Variants in PPP2R3A observed in about 807,000 individuals in gnomAD.
PPP2R3A encodes protein phosphatase 2 regulatory subunit B''alpha.
A neutral mutation model predicts 106.9 loss-of-function variants in PPP2R3A; 80 were observed. The ratio of observed to expected loss-of-function variants is 0.75; its 90% CI spans 0.62 to 0.90. The LOEUF (loss-of-function observed/expected upper bound fraction) is 0.90. PPP2R3A is among the 40% of genes least tolerant of loss of function. PPP2R3A has a pLI of 0.00. For missense variants in PPP2R3A, 1,386 were observed against 1,350.4 expected, an observed-to-expected ratio of 1.03 and a Z score of -0.41; for synonymous variants, 483 against 468.3, an observed-to-expected ratio of 1.03 and a Z score of -0.41.
intron 1 of PPP2R3A, among the ~76,000 whole-genome samples, chr3:135,969,554 A>G (rs1937182233): frequency 1.3e-5 from 2 of 152,240 alleles, no homozygotes; most frequent in South Asian, 2.1e-4. Context: ...GAGAGGTCAC[A>G]TAAGCATTTG....
chr3:136,111,807 G>A (rs1485189232), intron 13 of PPP2R3A, among the ~76,000 whole-genome samples: 4 of 152,086 alleles, frequency 2.6e-5, no homozygotes, highest in Admixed American at 2.6e-4. Flanking sequence ...TGTGAGGATA[G>A]CATCATTCTG....
In PPP2R3A at chr3:136,095,498, A is replaced by G. The variant is rs145495303; in HGVS notation, c.2927+4831A>G. Reference sequence around the variant, plus strand: ...GTTGATGAAACAGAAGCTCTAAGAGACTGTGCAGCTAGTAAGTGTCCTAGC... The same window carrying G: ...GTTGATGAAACAGAAGCTCTAAGAGGCTGTGCAGCTAGTAAGTGTCCTAGC... On this transcript the variant is annotated intron_variant, in intron 10 of 13. Coordinates refer to ENST00000264977, the MANE Select transcript of PPP2R3A (RefSeq NM_002718.5). Among the ~76,000 whole-genome samples the G allele has an allele frequency of 1.1e-4, 16 of 152,274 alleles. No individual in the cohort carries two copies. The East Asian group carries it at 3.1e-3, about 29-fold the overall frequency.
chr3:136,126,344 A>G (rs1284904133), intron 13 of PPP2R3A, among the ~76,000 whole-genome samples: 1 of 152,242 alleles, frequency 6.6e-6, no homozygotes, highest in Non-Finnish European at 1.5e-5. Flanking sequence ...GGCAGGTCCC[A>G]TGCCCATGGA....
intron 13 of PPP2R3A, among the ~76,000 whole-genome samples, chr3:136,120,622 TTATTA>T: frequency 6.6e-6 from 1 of 151,728 alleles, no homozygotes; most frequent in African/African-American, 2.4e-5. Context: ...ATAGAAGAAA[TTATTA>T]ACAGGGTAAA....
At chr3:136,016,230 G>A (rs1272434290) in intron 2 of PPP2R3A, among the ~76,000 whole-genome samples, 1 of 152,078 alleles carries the variant, frequency 6.6e-6, no homozygotes, top group Admixed American at 6.6e-5. Flanking sequence ...TTGTTTTGTG[G>A]CCTATCATAT....
chr3:136,108,640 C>T (rs995116000), intron 13 of PPP2R3A, among the ~76,000 whole-genome samples: 7 of 151,608 alleles, frequency 4.6e-5, no homozygotes, highest in Admixed American at 2.6e-4. Context: ...TAGTGATGGA[C>T]CCCAGATTTG....
intron 13 of PPP2R3A, among the ~76,000 whole-genome samples, chr3:136,124,280 AG>A (rs1166791104): frequency 6.6e-6 from 1 of 152,190 alleles, no homozygotes; most frequent in Non-Finnish European, 1.5e-5. Flanking sequence ...GCGTGGGGCC[AG>A]GAGTTCAAGA....
intron 8 of PPP2R3A, among the ~76,000 whole-genome samples, chr3:136,086,023 A>T (rs1343811538): frequency 6.6e-6 from 1 of 152,068 alleles, no homozygotes; most frequent in Non-Finnish European, 1.5e-5. Flanking sequence ...CCAGCTACTC[A>T]GGAGGCTGAG....
rs1939169409 is a variant in PPP2R3A at position 136,147,147 on chromosome 3, C to T, written c.*1981C>T. On this transcript the variant is annotated 3_prime_UTR_variant, in exon 14 of 14. Coordinates refer to ENST00000264977, the MANE Select transcript of PPP2R3A (RefSeq NM_002718.5). ...ACTTTGGGAGGCCAAGGGAGGTGATCACTTGAGCCCAGGAGTAAAGACCAG... is the reference window on the plus strand; with the variant it reads ...ACTTTGGGAGGCCAAGGGAGGTGATTACTTGAGCCCAGGAGTAAAGACCAG... 1 of 152,054 alleles carries T rather than the reference C, an allele frequency of 6.6e-6. No homozygotes were observed. The highest frequency in any genetic ancestry group is 1.5e-5 in the Non-Finnish European group (1 of 68,060). 9.4% of individuals were successfully genotyped at this position (152,054 alleles called of 1,614,324 possible).
Position 136,002,810 on chromosome 3 carries a change from A to G in PPP2R3A, c.1312A>G (p.Ser438Gly). Residue 438 changes from serine to glycine, a missense_variant, in exon 2 of 14, where the codon AGT becomes GGT. Transcript: ENST00000264977. ...AGGACAAAAGACAGAGAATGGACCT[A>G]GTCATGAGTTATTAAAGGTAAATGA... ...DKGQKTENGPSHELLKVNEHR... is the reference protein window; with the variant it reads ...DKGQKTENGPGHELLKVNEHR... 1 of 1,613,974 alleles carries G rather than the reference A, an allele frequency of 6.2e-7. No homozygotes were observed. Among genetic ancestry groups the G allele is most frequent in the Non-Finnish European group, 8.5e-7 (1 of 1,179,846 alleles).
At chr3:135,988,201 G>T (rs1311134843) in intron 1 of PPP2R3A, among the ~76,000 whole-genome samples, 1 of 150,692 alleles carries the variant, frequency 6.6e-6, no homozygotes, top group African/African-American at 2.4e-5. Context: ...TCTTTCTGCA[G>T]TCTTTCCAGT....
intron 2 of PPP2R3A, chr3:136,022,637 T>A (rs1319660069): frequency 2.4e-6 from 1 of 413,942 alleles, no homozygotes; most frequent in Non-Finnish European, 3.3e-6. Flanking sequence ...ACACCTCACA[T>A]ACCCTGAGTT....
chr3:135,972,658 T>C (rs779890889), intron 1 of PPP2R3A, among the ~76,000 whole-genome samples: 11 of 152,192 alleles, frequency 7.2e-5, no homozygotes, highest in Non-Finnish European at 1.2e-4. Context: ...TCCTAGTGGG[T>C]GTGAAGTGGT....
intron 5 of PPP2R3A, among the ~76,000 whole-genome samples, chr3:136,052,012 C>T (rs1366501725): frequency 2.0e-5 from 3 of 152,178 alleles, no homozygotes; most frequent in Non-Finnish European, 4.4e-5. Flanking sequence ...AAAAAAAATA[C>T]TCATGAGAAT....
At chr3:136,136,092 A>G (rs1938614547) in intron 13 of PPP2R3A, among the ~76,000 whole-genome samples, 1 of 143,390 alleles carries the variant, frequency 7.0e-6, no homozygotes, top group South Asian at 2.1e-4. Flanking sequence ...ATATATATAT[A>G]TAAAAAACAT....
intron 13 of PPP2R3A, among the ~76,000 whole-genome samples, chr3:136,131,807 A>G (rs1487068729): frequency 1.3e-5 from 2 of 152,338 alleles, no homozygotes; most frequent in East Asian, 3.9e-4. Context: ...TGTGGTACAT[A>G]TACACCATGG....
intron 5 of PPP2R3A, among the ~76,000 whole-genome samples, chr3:136,057,669 A>C (rs1935919409): frequency 6.6e-6 from 1 of 152,212 alleles, no homozygotes; most frequent in Non-Finnish European, 1.5e-5. Context: ...GCATAAAAGG[A>C]GACAAACAAT....
At chr3:136,143,368 G>A (rs1039079675) in intron 13 of PPP2R3A, among the ~76,000 whole-genome samples, 18 of 152,114 alleles carry the variant, frequency 1.2e-4, no homozygotes, top group African/African-American at 2.2e-4. Flanking sequence ...ATATACGTCC[G>A]TAATCCCTGC....
In PPP2R3A at chr3:136,002,765, G is replaced by A. The variant is rs767173398; in HGVS notation, c.1267G>A (p.Gly423Arg). Residue 423 changes from glycine to arginine, a missense_variant, in exon 2 of 14, where the codon GGA becomes AGA. Physicochemically the swap from Gly to Arg is moderately radical, Grantham distance 125. Coordinates refer to ENST00000264977, the MANE Select transcript of PPP2R3A (RefSeq NM_002718.5). ...TCTTTATATTGAAGAAGAGTCAGAT[G>A]GAAAGAAAGCATTAGATAAAGGACA... Reference protein sequence around the residue: ...ETLYIEEESDGKKALDKGQKT... With the variant: ...ETLYIEEESDRKKALDKGQKT... The A allele has an allele frequency of 1.7e-5, 27 of 1,612,752 alleles. No homozygotes were observed. The South Asian group carries it at 2.9e-4, about 17-fold the overall frequency.
Sources: gnomAD v4.1 joint callset for allele counts (sites outside exome capture counted in the v4.1 genomes callset) on GRCh38, gnomAD v4.1.1 for gene constraint, MANE v1.5 for transcripts, NCBI Gene and HGNC (gene_info 2026-07-23, HGNC 2026-07-21) for gene names.